RHEB: variants seen among roughly 807,000 people sequenced by gnomAD.
RHEB encodes the protein GTP-binding protein Rheb.
In RHEB, 2 loss-of-function variants were observed where a neutral mutation model predicts 28.8. The ratio of observed to expected loss-of-function variants is 0.07; its 90% CI spans 0.03 to 0.22. The LOEUF (loss-of-function observed/expected upper bound fraction) is 0.22. Ranked by LOEUF, RHEB falls within the 10% of genes least tolerant of loss-of-function variation. RHEB has a pLI of 1.00. For synonymous variants in RHEB, 69 were observed against 77.3 expected (o/e 0.89, Z 0.56); for missense variants, 76 against 219.9 (o/e 0.35, Z 4.14).
intron 4 of RHEB, among the ~76,000 whole-genome samples, chr7:151,474,869 C>T (rs568793386): frequency 2.6e-5 from 4 of 152,310 alleles, no homozygotes; most frequent in Admixed American, 6.5e-5. Context: ...GAAAGTTTTA[C>T]TGACATATTT....
At chr7:151,471,097 T>A (rs1802154107) in intron 6 of RHEB, among the ~76,000 whole-genome samples, 1 of 152,326 alleles carries the variant, frequency 6.6e-6, no homozygotes, top group African/African-American at 2.4e-5. Flanking sequence ...CTCACTGTAA[T>A]CCCAAACCCT....
chr7:151,495,833 G>C (rs1443971188), intron 1 of RHEB, among the ~76,000 whole-genome samples: 1 of 152,150 alleles, frequency 6.6e-6, no homozygotes, highest in Non-Finnish European at 1.5e-5. Flanking sequence ...TGTGCATATA[G>C]TCTCAGTTAC....
At position 151,487,525 on chromosome 7, in the gene RHEB, GAA is replaced by G. The variant is rs78565203; in HGVS notation, c.125-2723_125-2722del. Among the ~76,000 whole-genome samples, 323 of 132,662 alleles carry G rather than the reference GAA, an allele frequency of 2.4e-3. 2 individuals carry two copies. Among genetic ancestry groups the G allele is most frequent in the African/African-American group, 8.3e-3 (308 of 37,054 alleles). 87.0% of individuals were successfully genotyped at this position (132,662 alleles called of 152,430 possible). ...ATGTCATTGTACATAGTGTATAAAA[GAA>G]AAAAAAAAAAATAAACATTTGCATC... On this transcript the variant is annotated intron_variant, in intron 2 of 7. Coordinates refer to ENST00000262187, the MANE Select transcript of RHEB (RefSeq NM_005614.4).
chr7:151,484,730 C>T lies in RHEB; in HGVS notation c.192+7G>A, dbSNP rs1453725642. ...TATAAGATTCTGAGATACCAGAGGT[C>T]ACTTACTTGCCCGGCTGTGTCTACA... On this transcript the variant is annotated splice_region_variant and intron_variant, in intron 3 of 7. Coordinates refer to ENST00000262187, the MANE Select transcript of RHEB (RefSeq NM_005614.4). 1 of 1,596,384 alleles carries T rather than the reference C, an allele frequency of 6.3e-7. No homozygotes were observed. The highest frequency in any genetic ancestry group is 8.6e-7 in the Non-Finnish European group (1 of 1,163,860).
intron 1 of RHEB, among the ~76,000 whole-genome samples, chr7:151,506,883 G>A (rs986553111): frequency 4.6e-5 from 7 of 152,138 alleles, no homozygotes; most frequent in African/African-American, 1.7e-4. Context: ...GGGAAGGCGG[G>A]GCATTCTCCC....
rs1204303767 is a variant in RHEB, at chr7:151,472,005, C to A, written c.276-400G>T. 5.8e-6 allele frequency: 1 copy of A among 171,092 alleles called. No individual in the cohort carries two copies. Among genetic ancestry groups the A allele is most frequent in the Non-Finnish European group, 1.2e-5 (1 of 81,376 alleles). 10.6% of individuals were successfully genotyped at this position (171,092 alleles called of 1,614,324 possible). The stretch of plus-strand genomic sequence containing the variant: ...GTTCTTTCCTAGGTACATACATTCT[C>A]TGGGTGATGCCAGTATCTCTTGGCT... On this transcript the variant is annotated intron_variant, in intron 4 of 7. Coordinates refer to ENST00000262187, the MANE Select transcript of RHEB (RefSeq NM_005614.4). This position sits in a 1 kb window ranked among gnomAD's most constrained non-coding sequence, Gnocchi z 5.2.
intron 2 of RHEB, 52 bp downstream of exon 2, chr7:151,490,891 T>C: frequency 7.4e-7 from 1 of 1,351,386 alleles, no homozygotes; most frequent in Non-Finnish European, 1.1e-6. Flanking sequence ...CAATGGCTAT[T>C]TTACACAAAA....
intron 2 of RHEB, among the ~76,000 whole-genome samples, chr7:151,485,794 G>GA (rs1322468173): frequency 6.6e-6 from 1 of 152,214 alleles, no homozygotes; most frequent in African/African-American, 2.4e-5. Context: ...AATGATGGCT[G>GA]AAAGACAAGC....
intron 1 of RHEB, among the ~76,000 whole-genome samples, chr7:151,500,275 C>T (rs1802750805): frequency 6.6e-6 from 1 of 151,930 alleles, no homozygotes; most frequent in South Asian, 2.1e-4. Context: ...AACATAGGTA[C>T]TTATTACAAA....
At chr7:151,482,280 TG>T (rs1802391754) in intron 3 of RHEB, among the ~76,000 whole-genome samples, 1 of 152,218 alleles carries the variant, frequency 6.6e-6, no homozygotes, top group African/African-American at 2.4e-5. Context: ...GATCTCGCTG[TG>T]TTGCCCAGGC....
chr7:151,476,786 C>CA, intron 4 of RHEB, among the ~76,000 whole-genome samples: 1 of 152,204 alleles, frequency 6.6e-6, no homozygotes. Flanking sequence ...TTAACAGACA[C>CA]AGACCACTGC....
intron 3 of RHEB, among the ~76,000 whole-genome samples, chr7:151,479,458 A>G (rs188832654): frequency 3.2e-4 from 48 of 152,294 alleles, no homozygotes; most frequent in East Asian, 1.7e-3. Context: ...CAAGGTGGGC[A>G]GATCACAAGG....
intron 1 of RHEB, among the ~76,000 whole-genome samples, chr7:151,512,086 A>G (rs1177112163): frequency 6.6e-6 from 1 of 152,244 alleles, no homozygotes; most frequent in African/African-American, 2.4e-5. Flanking sequence ...TTGGTACTTC[A>G]GAATAAATTA....
chr7:151,484,273 T>C (rs1001544955), intron 3 of RHEB, among the ~76,000 whole-genome samples: 3 of 152,192 alleles, frequency 2.0e-5, no homozygotes, highest in African/African-American at 4.8e-5. Context: ...GCAACTAATA[T>C]GACTCTCTAA....
In RHEB at chr7:151,468,013, G is replaced by A. The variant is rs754427016; in HGVS notation, c.463-802C>T. 6.6e-6 allele frequency among the ~76,000 whole-genome samples: 1 copy of A among 151,998 alleles called. No homozygotes were observed. Among genetic ancestry groups the A allele is most frequent in the Non-Finnish European group, 1.5e-5 (1 of 67,992 alleles). ...CAGGACAACAGGCCTGAGCCACCGTGACTCCCAGACCCTGTCCTTGAAATG... is the reference window on the plus strand; with the variant it reads ...CAGGACAACAGGCCTGAGCCACCGTAACTCCCAGACCCTGTCCTTGAAATG... On this transcript the variant is annotated intron_variant, in intron 7 of 7. Coordinates refer to ENST00000262187, the MANE Select transcript of RHEB (RefSeq NM_005614.4). This position sits in a 1 kb window ranked among gnomAD's most constrained non-coding sequence, Gnocchi z 4.3.
rs1802109105 is a variant in RHEB at position 151,468,675 on chromosome 7, C to T, written c.463-1464G>A. On this transcript the variant is annotated intron_variant, in intron 7 of 7. Transcript: ENST00000262187. The surrounding 1 kb of genome is among the most constrained non-coding windows in gnomAD (Gnocchi z 4.3). ...GAAAGAACTCCACATCCTCCATCCA[C>T]CAAGCTGACCCACCCACTTGAATGT... 6.6e-6 allele frequency among the ~76,000 whole-genome samples: 1 copy of T among 152,260 alleles called. No individual in the cohort carries two copies. The highest frequency in any genetic ancestry group is 1.9e-4 in the East Asian group (1 of 5,198).
intron 2 of RHEB, among the ~76,000 whole-genome samples, chr7:151,487,306 G>A (rs1477385085): frequency 2.6e-5 from 4 of 152,168 alleles, no homozygotes; most frequent in African/African-American, 4.8e-5. Context: ...TTGTCATGTA[G>A]AATAAAATAA....
intron 1 of RHEB, among the ~76,000 whole-genome samples, chr7:151,497,578 T>A (rs1013422174): frequency 6.6e-6 from 1 of 152,200 alleles, no homozygotes; most frequent in Non-Finnish European, 1.5e-5. Flanking sequence ...TAAGACATGC[T>A]ATGACTTCTG....
chr7:151,519,357 CACATGGCCGCGCCGGCTCCAA>C, intron 1 of RHEB, 82 bp downstream of exon 1: 2 of 829,686 alleles, frequency 2.4e-6, no homozygotes, highest in South Asian at 5.6e-5. Flanking sequence ...CCCGCCCCGC[CACATGGCCGCGCCGGCTCCAA>C]ACTTCGCAGG....
Sources: allele counts gnomAD v4.1 joint callset (sites outside exome capture counted in the v4.1 genomes callset), GRCh38; gene constraint gnomAD v4.1.1; non-coding constraint Gnocchi (gnomAD v3.1); transcripts MANE v1.5; gene names NCBI Gene and HGNC (gene_info 2026-07-23, HGNC 2026-07-21).